Variants in ELL observed in about 807,000 individuals in gnomAD.
The protein encoded by ELL is elongation factor for RNA polymerase II.
ELL carries 18 observed loss-of-function variants against 64.0 expected under a neutral mutation model. The observed-to-expected ratio is 0.28, with a 90% CI of 0.19 to 0.42. The LOEUF is 0.42. Among genes scored for constraint, ELL ranks in the 10% least tolerant of loss-of-function variants. The pLI, the probability that ELL is intolerant of heterozygous loss-of-function variation, is 1.00. For synonymous variants in ELL, 399 were observed against 376.2 expected (o/e 1.06, Z -0.70); for missense variants, 797 against 870.4 (o/e 0.92, Z 1.06).
At chr19:18,519,140 A>AGGG (rs1354562645) in intron 1 of ELL, among the ~76,000 whole-genome samples, 4 of 152,044 alleles carry the variant, frequency 2.6e-5, no homozygotes, top group Non-Finnish European at 4.4e-5. Flanking sequence ...AGGTGGGCAG[A>AGGG]TCACAAAGTC....
chr19:18,521,148 G>T (rs552028428), intron 1 of ELL, among the ~76,000 whole-genome samples: 1 of 152,028 alleles, frequency 6.6e-6, no homozygotes, highest in South Asian at 2.1e-4. Context: ...GCTTCCTCCT[G>T]GGTGGCAGGG....
chr19:18,505,606 G>A (rs1975866924), intron 1 of ELL, among the ~76,000 whole-genome samples: 1 of 152,188 alleles, frequency 6.6e-6, no homozygotes, highest in South Asian at 2.1e-4. Context: ...TCTGTGATGG[G>A]AAAGGGCTAA....
chr19:18,453,779 G>A (rs976670084), intron 6 of ELL, among the ~76,000 whole-genome samples: 1 of 152,092 alleles, frequency 6.6e-6, no homozygotes, highest in Non-Finnish European at 1.5e-5. Context: ...GGCTTGTCTA[G>A]AACTTGAGCC....
At chr19:18,460,055 T>C (rs934179026) in intron 5 of ELL, among the ~76,000 whole-genome samples, 13 of 152,322 alleles carry the variant, frequency 8.5e-5, no homozygotes, top group African/African-American at 3.1e-4. Flanking sequence ...CCTTGAAGGA[T>C]AGGCTTGCGG....
chr19:18,446,887 G>C, intron 8 of ELL, 73 bp from the exon 9 acceptor site: 1 of 1,494,942 alleles, frequency 6.7e-7, no homozygotes, highest in Admixed American at 1.7e-5. Context: ...CCAGGATGGG[G>C]ACATGCATGA....
chr19:18,445,020 C>A, intron 11 of ELL, 152 bp from the exon 12 acceptor site: 1 of 1,080,678 alleles, frequency 9.3e-7, no homozygotes, highest in South Asian at 1.4e-5. Flanking sequence ...GTTGGTCCCC[C>A]GCACCTCCAC....
At position 18,444,412 on chromosome 19, in the gene ELL, GCTGT is replaced by G. The variant is rs1273450078; in HGVS notation, c.*336_*339del. The G allele has an allele frequency of 1.4e-5, 4 of 288,090 alleles. No individual in the cohort carries two copies. The highest frequency in any genetic ancestry group is 2.6e-5 in the Non-Finnish European group (4 of 153,214). 17.8% of individuals were successfully genotyped at this position (288,090 alleles called of 1,614,324 possible). A position where few individuals can be genotyped will look rare whatever the true frequency, so the allele number is the denominator to read the frequency against. On this transcript the variant is annotated 3_prime_UTR_variant, in exon 12 of 12. Transcript: ENST00000262809. ...GTCTCATTAGCAGTAGCTAAAAGTG[GCTGT>G]CTTTGTATAAAACTAGAAAAGGCAG...
chr19:18,511,858 A>G (rs1266305157), intron 1 of ELL, among the ~76,000 whole-genome samples: 1 of 151,182 alleles, frequency 6.6e-6, no homozygotes, highest in Admixed American at 6.6e-5. Flanking sequence ...GCCTCTACAA[A>G]TTAAAAAAAA....
intron 1 of ELL, among the ~76,000 whole-genome samples, chr19:18,479,232 T>C (rs1600469563): frequency 1.3e-5 from 2 of 152,302 alleles, no homozygotes; most frequent in East Asian, 3.9e-4. Context: ...CTCAGCACAC[T>C]GCAGGCAACA....
At chr19:18,486,386 G>C (rs60570301) in intron 1 of ELL, among the ~76,000 whole-genome samples, 1 of 152,164 alleles carries the variant, frequency 6.6e-6, no homozygotes, top group East Asian at 1.9e-4. Flanking sequence ...GACCCAGAGT[G>C]GGGGTGCGGT....
intron 1 of ELL, among the ~76,000 whole-genome samples, chr19:18,498,369 G>C (rs1975706482): frequency 6.6e-6 from 1 of 152,170 alleles, no homozygotes; most frequent in Admixed American, 6.6e-5. Flanking sequence ...GACCTGACGG[G>C]ACCCTAGGGC....
chr19:18,502,664 G>C (rs1439351826), intron 1 of ELL, among the ~76,000 whole-genome samples: 2 of 152,202 alleles, frequency 1.3e-5, no homozygotes, highest in Admixed American at 6.5e-5. Flanking sequence ...GTTTAAATGA[G>C]AGAGAGGGCC....
chr19:18,479,314 C>A (rs561647149), intron 1 of ELL, among the ~76,000 whole-genome samples: 57 of 152,278 alleles, frequency 3.7e-4, no homozygotes, highest in African/African-American at 1.3e-3. Context: ...CCACGGGAAG[C>A]GACCATCAGA....
At chr19:18,489,645 G>A (rs10416993) in intron 1 of ELL, among the ~76,000 whole-genome samples, 44,509 of 151,984 alleles carry the variant, frequency 0.29, 7,841 homozygotes, top group African/African-American at 0.5. Context: ...AGCAGCCCAC[G>A]CTGGCCCCTT....
At chr19:18,493,504 G>A (rs1355745802) in intron 1 of ELL, among the ~76,000 whole-genome samples, 2 of 152,278 alleles carry the variant, frequency 1.3e-5, no homozygotes, top group African/African-American at 4.8e-5. Context: ...CCTGAACTGG[G>A]AGTGAGCTGC....
chr19:18,487,138 CCT>C (rs1317795111), intron 1 of ELL, among the ~76,000 whole-genome samples: 1 of 152,174 alleles, frequency 6.6e-6, no homozygotes, highest in Non-Finnish European at 1.5e-5. Flanking sequence ...CAGGAGACCC[CCT>C]GAGAAAGGAG....
intron 1 of ELL, among the ~76,000 whole-genome samples, chr19:18,483,634 C>T (rs1481951739): frequency 6.6e-6 from 1 of 152,218 alleles, no homozygotes; most frequent in Non-Finnish European, 1.5e-5. Flanking sequence ...CAGCAGACCT[C>T]ATCCCAACCT....
chr19:18,490,204 T>A (rs879874813), intron 1 of ELL, among the ~76,000 whole-genome samples: 1 of 96,332 alleles, frequency 1.0e-5, no homozygotes, highest in Non-Finnish European at 2.3e-5. Flanking sequence ...CACCTGCCCC[T>A]CCCCCCCACC....
chr19:18,442,875 G>GA lies in ELL; in HGVS notation c.*1876dup, dbSNP rs11319408. 91 of 221,008 alleles carry GA rather than the reference G, an allele frequency of 4.1e-4. No homozygotes were observed. Among genetic ancestry groups the GA allele is most frequent in the Middle Eastern group, 1.4e-3 (1 of 740 alleles). 13.7% of individuals were successfully genotyped at this position (221,008 alleles called of 1,614,324 possible). ...TTTTCTCCACAGTACAACATTAAAA[G>GA]AAAAAAAAATAGTATCAATAAGTTA... On this transcript the variant is annotated 3_prime_UTR_variant, in exon 12 of 12. Transcript: ENST00000262809.
Sources: gnomAD v4.1 joint callset for allele counts (sites outside exome capture counted in the v4.1 genomes callset) on GRCh38, gnomAD v4.1.1 for gene constraint, MANE v1.5 for transcripts, NCBI Gene and HGNC (gene_info 2026-07-23, HGNC 2026-07-21) for gene names.